The following IPPK variants were observed in gnomAD, a reference collection of about 807,000 sequenced individuals.
The protein encoded by IPPK is inositol-pentakisphosphate 2-kinase.
IPPK carries 22 observed loss-of-function variants against 64.6 expected under a neutral mutation model. The observed-to-expected ratio is 0.34, with a 90% CI of 0.24 to 0.49. The LOEUF (loss-of-function observed/expected upper bound fraction) is 0.49. Among genes scored for constraint, IPPK ranks in the 20% least tolerant of loss-of-function variants. IPPK has a pLI of 0.99. For missense variants in IPPK, 532 were observed against 630.7 expected (o/e 0.84, Z 1.68); for synonymous variants, 262 against 247.2 (o/e 1.06, Z -0.56).
At chr9:92,665,855 T>C (rs1414548484) in intron 1 of IPPK, among the ~76,000 whole-genome samples, 1 of 152,036 alleles carries the variant, frequency 6.6e-6, no homozygotes, top group Non-Finnish European at 1.5e-5. Flanking sequence ...ACCAGAAATC[T>C]TAAAACACAA....
intron 11 of IPPK, among the ~76,000 whole-genome samples, chr9:92,624,252 G>T (rs1369717381): frequency 1.3e-5 from 2 of 152,102 alleles, no homozygotes; most frequent in African/African-American, 4.8e-5. Flanking sequence ...GGCTCAGGTG[G>T]GTGGATCACG....
rs201025119 is a variant in IPPK at position 92,652,781 on chromosome 9, TA to T, written c.226-143del. 674 of 435,454 alleles carry T rather than the reference TA, an allele frequency of 1.5e-3. 1 individual carries two copies. Among genetic ancestry groups the T allele is most frequent in the African/African-American group, 9.0e-3 (450 of 50,000 alleles). The allele number at this position is 435,454 out of a possible 1,614,324, so 27.0% of individuals were successfully genotyped here. A position where few individuals can be genotyped will look rare whatever the true frequency, so the allele number is the denominator to read the frequency against. ...ATAATATTTTTTAAAGTTTATTGCT[TA>T]AAAAAAAATCAGTGTGTGGATTTTG... is the stretch of plus-strand genomic sequence containing the variant. On this transcript the variant is annotated intron_variant, in intron 3 of 12. Coordinates refer to ENST00000287996, the MANE Select transcript of IPPK (RefSeq NM_022755.6).
intron 11 of IPPK, among the ~76,000 whole-genome samples, chr9:92,629,112 C>T (rs1851786748): frequency 6.6e-6 from 1 of 151,894 alleles, no homozygotes; most frequent in African/African-American, 2.4e-5. Flanking sequence ...AGAATGATGT[C>T]GGACCTCTAC....
Position 92,634,445 on chromosome 9 carries a change from G to C in IPPK, c.1111C>G (p.Gln371Glu). ...IDGPYDEAFYQKLLDLSTEDD... is the reference protein window; with the variant it reads ...IDGPYDEAFYEKLLDLSTEDD... Reference sequence around the variant, plus strand: ...TCAGTGGAAAGGTCAAGCAGCTTCTGGTAAAATGCTTCATCATAAGGCCCA... The same window carrying C: ...TCAGTGGAAAGGTCAAGCAGCTTCTCGTAAAATGCTTCATCATAAGGCCCA... Residue 371 changes from glutamine to glutamate, a missense_variant, in exon 11 of 13, where the codon CAG becomes GAG. Physicochemically the swap from Gln to Glu is conservative, Grantham distance 29. Coordinates refer to ENST00000287996, the MANE Select transcript of IPPK (RefSeq NM_022755.6). The C allele has an allele frequency of 3.1e-6, 5 of 1,614,058 alleles. No individual in the cohort carries two copies. The highest frequency in any genetic ancestry group is 3.4e-6 in the Non-Finnish European group (4 of 1,179,926).
chr9:92,668,006 AC>A (rs1213114573), intron 1 of IPPK, among the ~76,000 whole-genome samples: 2 of 152,122 alleles, frequency 1.3e-5, no homozygotes, highest in Non-Finnish European at 2.9e-5. Flanking sequence ...GTGGTGGCTC[AC>A]GCCTGTAATC....
chr9:92,638,551 A>C (rs1351512138), intron 8 of IPPK, among the ~76,000 whole-genome samples: 1 of 152,270 alleles, frequency 6.6e-6, no homozygotes, highest in Non-Finnish European at 1.5e-5. Context: ...CAACGCCCCC[A>C]GACAATGATC....
chr9:92,644,568 G>T (rs765538866), intron 6 of IPPK, among the ~76,000 whole-genome samples: 1 of 152,148 alleles, frequency 6.6e-6, no homozygotes, highest in African/African-American at 2.4e-5. Context: ...GAACTCACCC[G>T]TGCAGGAGGC....
intron 6 of IPPK, among the ~76,000 whole-genome samples, chr9:92,643,784 G>C (rs1253262961): frequency 6.6e-6 from 1 of 152,180 alleles, no homozygotes; most frequent in African/African-American, 2.4e-5. Context: ...GTAAACATTA[G>C]AACATGTGGA....
chr9:92,628,435 TA>T (rs1202707004), intron 11 of IPPK, among the ~76,000 whole-genome samples: 3 of 152,150 alleles, frequency 2.0e-5, no homozygotes, highest in Non-Finnish European at 4.4e-5. Flanking sequence ...TAAAAAGCAG[TA>T]GTACTCAAGA....
At chr9:92,626,002 A>C (rs1463311883) in intron 11 of IPPK, among the ~76,000 whole-genome samples, 1 of 152,234 alleles carries the variant, frequency 6.6e-6, no homozygotes, top group Non-Finnish European at 1.5e-5. Context: ...TAAAGAAATA[A>C]AAGACAGAAT....
chr9:92,662,036 G>T (rs1852495400), intron 1 of IPPK, among the ~76,000 whole-genome samples: 1 of 152,162 alleles, frequency 6.6e-6, no homozygotes, highest in South Asian at 2.1e-4. Flanking sequence ...GGAAGAGGGG[G>T]TCAACACAGC....
rs1383529766 is a variant in IPPK, at chr9:92,614,199, C to T, written c.*1633G>A. 1 of 152,504 alleles carries T rather than the reference C, an allele frequency of 6.6e-6. No individual in the cohort carries two copies. Among genetic ancestry groups the T allele is most frequent in the East Asian group, 1.9e-4 (1 of 5,198 alleles). 9.4% of individuals were successfully genotyped at this position (152,504 alleles called of 1,614,324 possible). A position where few individuals can be genotyped will look rare whatever the true frequency, so the allele number is the denominator to read the frequency against. ...CCCACCTTCCCACGGACTGGGGTTC[C>T]CTCACATGTGCACTTGAACCCAGGA... On this transcript the variant is annotated 3_prime_UTR_variant, in exon 13 of 13. Transcript: ENST00000287996.
intron 7 of IPPK, 56 bp from the exon 8 acceptor site, chr9:92,640,838 G>T: frequency 8.4e-7 from 1 of 1,197,506 alleles, no homozygotes; most frequent in Non-Finnish European, 1.2e-6. Context: ...ACCTGTCCCT[G>T]CACACACACC....
rs542664448 is a variant in IPPK, at chr9:92,648,104, C to T, written c.459G>A (p.Glu153=). The T allele has an allele frequency of 6.2e-7, 1 of 1,613,768 alleles. No individual in the cohort carries two copies. The highest frequency in any genetic ancestry group is 1.3e-5 in the African/African-American group (1 of 75,052). The stretch of plus-strand genomic sequence containing the variant: ...AGTATCGACAGACCTTATGCTTCAT[C>T]TCATGCGTGACATCACTCGAGAAAG... ...FIPFSSDVTH[E]MKHKVCRYCM... is the part of the protein sequence containing the mutation. Residue 153 remains glutamate, a synonymous_variant, in exon 6 of 13, where the codon GAG becomes GAA. Transcript: ENST00000287996.
At chr9:92,668,921 G>A (rs1326712977) in intron 1 of IPPK, among the ~76,000 whole-genome samples, 3 of 152,208 alleles carry the variant, frequency 2.0e-5, no homozygotes, top group African/African-American at 4.8e-5. Flanking sequence ...CATCATCCCT[G>A]ACAAGCTGTT....
intron 11 of IPPK, among the ~76,000 whole-genome samples, chr9:92,631,164 C>T (rs950224175): frequency 3.3e-5 from 5 of 151,770 alleles, no homozygotes; most frequent in African/African-American, 1.2e-4. Flanking sequence ...AGACAATATT[C>T]CCTCTTTTCT....
At chr9:92,638,383 G>T in intron 8 of IPPK, 103 bp from the exon 9 acceptor site, 2 of 1,341,572 alleles carry the variant, frequency 1.5e-6, no homozygotes, top group East Asian at 2.3e-5. Context: ...TGAAAGCCAA[G>T]GGCCCTGATG....
At chr9:92,642,931 G>A (rs978153204) in intron 6 of IPPK, 121 bp from the exon 7 acceptor site, 6 of 817,152 alleles carry the variant, frequency 7.3e-6, no homozygotes, top group African/African-American at 1.7e-5. Flanking sequence ...GCCTTGCCCC[G>A]GAAAAGGTGC....
At chr9:92,651,410 GGA>G (rs1227929652) in intron 4 of IPPK, among the ~76,000 whole-genome samples, 8 of 152,352 alleles carry the variant, frequency 5.3e-5, no homozygotes, top group African/African-American at 1.9e-4. Context: ...GAGGAGAAAG[GGA>G]GAGGCGAAGG....
Sources: allele counts gnomAD v4.1 joint callset (sites outside exome capture counted in the v4.1 genomes callset), GRCh38; gene constraint gnomAD v4.1.1; transcripts MANE v1.5; gene names NCBI Gene and HGNC (gene_info 2026-07-23, HGNC 2026-07-21).